The following CA2 variants were observed in gnomAD, a reference collection of about 807,000 sequenced individuals.
CA2 encodes carbonate dehydratase II.
In CA2, 23 loss-of-function variants were observed where a neutral mutation model predicts 27.8. The ratio of observed to expected loss-of-function variants is 0.83; its 90% CI spans 0.59 to 1.17. CA2 has a LOEUF of 1.17. Among genes scored for constraint, CA2 ranks in the 50% most tolerant of loss-of-function variants. The pLI is 0.00. For missense variants in CA2, 300 were observed against 314.7 expected, an observed-to-expected ratio of 0.95 and a Z score of 0.35; for synonymous variants, 99 against 114.9, an observed-to-expected ratio of 0.86 and a Z score of 0.88.
chr8:85,465,142 T>G, intron 1 of CA2, 130 bp from the exon 2 acceptor site: 1 of 691,068 alleles, frequency 1.4e-6, no homozygotes, highest in South Asian at 1.7e-5. Context: ...TTCCCAAAAT[T>G]TAGCCCATTG....
At chr8:85,466,172 CTT>C (rs543619688) in intron 2 of CA2, among the ~76,000 whole-genome samples, 2 of 140,900 alleles carry the variant, frequency 1.4e-5, no homozygotes, top group African/African-American at 5.2e-5. Flanking sequence ...AAAAATCCTG[CTT>C]TTTTTTTTTT....
Position 85,465,346 on chromosome 8 carries a change from A to G in CA2, c.109A>G (p.Thr37Ala). The change falls in exon 2 of 7, where the codon ACA (threonine) becomes GCA (alanine). Residue 37 changes from threonine to alanine, a missense_variant. Thr to Ala is a moderately conservative substitution (Grantham distance 58, BLOSUM62 0). Coordinates refer to ENST00000285379, the MANE Select transcript of CA2 (RefSeq NM_000067.3). ...RQSPVDIDTH[T>A]AKYDPSLKPL... ...GTCCCCTGTTGACATCGACACTCAT[A>G]CAGCCAAGTATGACCCTTCCCTGAA... The G allele has an allele frequency of 1.9e-6, 3 of 1,614,182 alleles. No homozygotes were observed. The highest frequency in any genetic ancestry group is 2.5e-6 in the Non-Finnish European group (3 of 1,180,006).
At position 85,481,080 on chromosome 8, in the gene CA2, G is replaced by A. The variant is rs1297060025; in HGVS notation, c.*291G>A. 2 of 374,658 alleles carry A rather than the reference G, an allele frequency of 5.3e-6. No individual in the cohort carries two copies. The highest frequency in any genetic ancestry group is 1.2e-4 in the East Asian group (2 of 16,508). The allele number at this position is 374,658 out of a possible 1,614,324, so 23.2% of individuals were successfully genotyped here. On this transcript the variant is annotated 3_prime_UTR_variant, in exon 7 of 7. Transcript: ENST00000285379. ...ACCTTGACTTTGTTCACAGCATGTAGGGTGATGAGCACTCACAATTGTTGA... is the reference window on the plus strand; with the variant it reads ...ACCTTGACTTTGTTCACAGCATGTAAGGTGATGAGCACTCACAATTGTTGA...
chr8:85,477,485 A>G (rs1811820669), intron 6 of CA2, among the ~76,000 whole-genome samples: 1 of 152,166 alleles, frequency 6.6e-6, no homozygotes, highest in African/African-American at 2.4e-5. Context: ...TTTAGTCTCT[A>G]AAATTGAATA....
intron 2 of CA2, among the ~76,000 whole-genome samples, chr8:85,472,447 C>T (rs774136968): frequency 1.2e-4 from 18 of 152,034 alleles, no homozygotes; most frequent in South Asian, 2.1e-4. Context: ...TCTGTCAAGA[C>T]GCAACTTATT....
intron 4 of CA2, among the ~76,000 whole-genome samples, chr8:85,475,371 TAAAAAAAAA>T (rs3070396): frequency 2.7e-4 from 11 of 41,362 alleles, no homozygotes; most frequent in Non-Finnish European, 4.2e-4. Context: ...ACTCTGACTC[TAAAAAAAAA>T]AAAAAAAAAA....
At chr8:85,476,712 T>C (rs1161829921) in intron 5 of CA2, among the ~76,000 whole-genome samples, 1 of 152,196 alleles carries the variant, frequency 6.6e-6, no homozygotes, top group Non-Finnish European at 1.5e-5. Context: ...TATTTGATTC[T>C]GACCTAGAGC....
Position 85,477,155 on chromosome 8 carries a change from T to C in CA2, c.543T>C (p.Arg181=). Residue 181 remains arginine (R), a synonymous_variant, in exon 6 of 7, where the codon CGT becomes CGC. Transcript: ENST00000285379. The part of the protein sequence containing the change: ...KSADFTNFDP[R]GLLPESLDYW... ...CTGACTTCACTAACTTCGATCCTCGTGGCCTCCTTCCTGAATCCTTGGATT... is the reference window on the plus strand; with the variant it reads ...CTGACTTCACTAACTTCGATCCTCGCGGCCTCCTTCCTGAATCCTTGGATT... The C allele has an allele frequency of 1.9e-6, 3 of 1,614,132 alleles. No homozygotes were observed. Among genetic ancestry groups the C allele is most frequent in the Middle Eastern group, 1.6e-4 (1 of 6,062 alleles).
chr8:85,474,374 G>C lies in CA2; in HGVS notation c.402G>C (p.Val134=), dbSNP rs1811757327. 6.2e-7 allele frequency: 1 copy of C among 1,614,090 alleles called. No homozygotes were observed. Among genetic ancestry groups the C allele is most frequent in the African/African-American group, 1.3e-5 (1 of 75,038 alleles). The change falls in exon 4 of 7, where the codon GTG becomes GTC. Residue 134 remains valine (V), a synonymous_variant. Coordinates refer to ENST00000285379, the MANE Select transcript of CA2 (RefSeq NM_000067.3). ...NTKYGDFGKA[V]QQPDGLAVLG... The stretch of plus-strand genomic sequence containing the variant: ...AATATGGGGATTTTGGGAAAGCTGT[G>C]CAGCAACCTGATGGACTGGCCGTTC...
chr8:85,465,023 T>G, intron 1 of CA2: 1 of 498,292 alleles, frequency 2.0e-6, no homozygotes, highest in Non-Finnish European at 3.6e-6. Context: ...CACTCAGTGA[T>G]CTAAGAGCTT....
intron 2 of CA2, among the ~76,000 whole-genome samples, chr8:85,469,035 A>G (rs1209277194): frequency 2.0e-5 from 3 of 152,188 alleles, no homozygotes; most frequent in Non-Finnish European, 2.9e-5. Flanking sequence ...GAATAAAAAT[A>G]TTTGAAGGAT....
At position 85,476,331 on chromosome 8, in the gene CA2, G is replaced by A. The variant is rs372387842; in HGVS notation, c.507+471G>A. On this transcript the variant is annotated intron_variant, in intron 5 of 6. Coordinates refer to ENST00000285379, the MANE Select transcript of CA2 (RefSeq NM_000067.3). The stretch of plus-strand genomic sequence containing the variant: ...TCCATCCTGCATTTAAATCCTCTCT[G>A]CAGCATAGTTGTGTTGAGGTCGTTG... Among the ~76,000 whole-genome samples, 26 of 152,250 alleles carry A rather than the reference G, an allele frequency of 1.7e-4. No individual in the cohort carries two copies. In the South Asian group the frequency reaches 3.3e-3, roughly 19 times the overall value.
intron 2 of CA2, among the ~76,000 whole-genome samples, chr8:85,469,359 C>T (rs1811681198): frequency 6.6e-6 from 1 of 152,100 alleles, no homozygotes; most frequent in Non-Finnish European, 1.5e-5. Flanking sequence ...AACTTAAGAA[C>T]TTGGGTATCA....
chr8:85,464,503 A>C, intron 1 of CA2: 1 of 178,414 alleles, frequency 5.6e-6, no homozygotes, highest in Non-Finnish European at 1.2e-5. Context: ...CTAGTTGTTG[A>C]TCGCAGAGAA....
At chr8:85,464,268 G>C in intron 1 of CA2, 153 bp downstream of exon 1, 6 of 596,528 alleles carry the variant, frequency 1.0e-5, no homozygotes, top group Non-Finnish European at 1.6e-5. Flanking sequence ...TGCGCCCCGG[G>C]CGCTCGCTCC....
chr8:85,473,010 TAATAAATAAATA>T (rs35554360), intron 2 of CA2, among the ~76,000 whole-genome samples: 7 of 141,474 alleles, frequency 4.9e-5, no homozygotes, highest in East Asian at 2.2e-4. Flanking sequence ...ATAATAATAA[TAATAAATAAATA>T]AATAAATAAA....
intron 2 of CA2, among the ~76,000 whole-genome samples, chr8:85,471,663 T>C (rs1010690799): frequency 1.1e-4 from 16 of 152,244 alleles, no homozygotes; most frequent in Middle Eastern, 3.4e-3. Flanking sequence ...GTAGAGTTAA[T>C]GATTTGACAA....
intron 2 of CA2, among the ~76,000 whole-genome samples, chr8:85,467,682 A>C (rs1178442778): frequency 6.6e-6 from 1 of 152,104 alleles, no homozygotes; most frequent in Non-Finnish European, 1.5e-5. Context: ...TTTATGTATG[A>C]AGTTATTATA....
chr8:85,470,621 TTTC>T (rs1563433101), intron 2 of CA2, among the ~76,000 whole-genome samples: 1 of 152,164 alleles, frequency 6.6e-6, no homozygotes. Flanking sequence ...TATTACTGGA[TTTC>T]TTATTTTTCT....
Sources: gnomAD v4.1 joint callset for allele counts (sites outside exome capture counted in the v4.1 genomes callset) on GRCh38, gnomAD v4.1.1 for gene constraint, MANE v1.5 for transcripts, NCBI Gene and HGNC (gene_info 2026-07-23, HGNC 2026-07-21) for gene names.